Variants in UBE2F observed in about 807,000 individuals in gnomAD.
UBE2F encodes NEDD8-conjugating enzyme UBE2F.
Under a neutral mutation model 29.6 loss-of-function variants are expected in UBE2F, and 5 were observed. The observed-to-expected ratio is 0.17, with a 90% confidence interval of 0.09 to 0.36. The LOEUF (loss-of-function observed/expected upper bound fraction) is 0.36. Ranked by LOEUF, UBE2F falls within the 10% of genes least tolerant of loss-of-function variation. The pLI is 1.00. For missense variants in UBE2F, 141 were observed against 228.5 expected, an observed-to-expected ratio of 0.62 and a Z score of 2.47; for synonymous variants, 66 against 81.8, an observed-to-expected ratio of 0.81 and a Z score of 1.04.
chr2:237,994,269 C>T (rs961010420), intron 3 of UBE2F, among the ~76,000 whole-genome samples: 2 of 152,098 alleles, frequency 1.3e-5, no homozygotes, highest in Non-Finnish European at 2.9e-5. Flanking sequence ...AGCCACCATG[C>T]CTGGCCAGCA....
rs1296417319 is a variant in UBE2F at position 238,040,448 on chromosome 2, C to G, written c.508-840C>G. Among the ~76,000 whole-genome samples the G allele has an allele frequency of 1.3e-5, 2 of 152,188 alleles. No individual in the cohort carries two copies. Among genetic ancestry groups the G allele is most frequent in the African/African-American group, 4.8e-5 (2 of 41,446 alleles). ...CCCACTAAGAACTATGGTAACTGTGCTGTGTTCCCTGGGCAGTGGGGGCTG... is the reference window on the plus strand; with the variant it reads ...CCCACTAAGAACTATGGTAACTGTGGTGTGTTCCCTGGGCAGTGGGGGCTG... On this transcript the variant is annotated intron_variant, in intron 9 of 9. Coordinates refer to ENST00000272930, the MANE Select transcript of UBE2F (RefSeq NM_080678.3). This position sits in a 1 kb window ranked among gnomAD's most constrained non-coding sequence, Gnocchi z 4.4.
At chr2:237,974,847 C>T (rs1185355823) in intron 2 of UBE2F, among the ~76,000 whole-genome samples, 1 of 151,116 alleles carries the variant, frequency 6.6e-6, no homozygotes, top group Non-Finnish European at 1.5e-5. Context: ...CGAGGTTTCA[C>T]CATGTTAGCC....
chr2:238,017,812 G>T (rs2064195097), intron 5 of UBE2F, among the ~76,000 whole-genome samples: 1 of 152,176 alleles, frequency 6.6e-6, no homozygotes. Context: ...ATGAGGATGT[G>T]GGCATTGGGG....
Position 238,041,586 on chromosome 2 carries a change from T to G in UBE2F, c.*248T>G. 1 of 469,582 alleles carries G rather than the reference T, an allele frequency of 2.1e-6. No individual in the cohort carries two copies. 29.1% of individuals were successfully genotyped at this position (469,582 alleles called of 1,614,324 possible). On this transcript the variant is annotated 3_prime_UTR_variant, in exon 10 of 10. Transcript: ENST00000272930. ...GAGTTGTCTGCTTACCTTAACATGT[T>G]TACTTTTTTGAACTTGTACTGTATA...
chr2:238,039,393 G>A (rs2064791954), intron 9 of UBE2F, among the ~76,000 whole-genome samples: 1 of 152,250 alleles, frequency 6.6e-6, no homozygotes, highest in African/African-American at 2.4e-5. Context: ...GGAATGTGCT[G>A]TGGAGCTCAG....
At chr2:238,031,499 G>A (rs185495533) in intron 7 of UBE2F, among the ~76,000 whole-genome samples, 2 of 152,170 alleles carry the variant, frequency 1.3e-5, no homozygotes, top group Non-Finnish European at 2.9e-5. Context: ...GGGATGGGTG[G>A]GTGGATGGAT....
intron 6 of UBE2F, among the ~76,000 whole-genome samples, chr2:238,029,967 G>C (rs2064535082): frequency 6.8e-6 from 1 of 147,240 alleles, no homozygotes; most frequent in Admixed American, 6.8e-5. Context: ...TTTTTTTTGA[G>C]ACAGGGCCTC....
chr2:237,987,928 G>C (rs757614213), intron 2 of UBE2F, 35 bp from the exon 3 acceptor site: 18 of 1,242,168 alleles, frequency 1.4e-5, no homozygotes. Context: ...TGGAGTAATT[G>C]ACTAATATTA....
At chr2:237,998,115 A>C (rs765066755) in intron 4 of UBE2F, among the ~76,000 whole-genome samples, 1 of 152,188 alleles carries the variant, frequency 6.6e-6, no homozygotes, top group African/African-American at 2.4e-5. Flanking sequence ...AACAATGACA[A>C]TTTTTTAAAT....
At chr2:237,999,820 CTTTTTTT>C (rs3054481) in intron 4 of UBE2F, among the ~76,000 whole-genome samples, 91,608 of 119,882 alleles carry the variant, frequency 0.76, 33,776 homozygotes, top group East Asian at 0.92. Context: ...TGATGTTGTT[CTTTTTTT>C]TTTTTTTTTT....
In UBE2F at chr2:238,019,891, C is replaced by A. The variant is rs539406888; in HGVS notation, c.282+3258C>A. The stretch of plus-strand genomic sequence containing the variant: ...GCCGGGTTGGTCTCGAACTCCTGAC[C>A]TCAGGTGATCCGCTGCCTTGGCCTC... On this transcript the variant is annotated intron_variant, in intron 5 of 9. Transcript: ENST00000272930. Among the ~76,000 whole-genome samples, 10 of 152,092 alleles carry A rather than the reference C, an allele frequency of 6.6e-5. No homozygotes were observed. In the East Asian group the frequency reaches 1.7e-3, roughly 27 times the overall value.
At chr2:238,019,654 C>CTTTTT (rs375103007) in intron 5 of UBE2F, among the ~76,000 whole-genome samples, 925 of 78,000 alleles carry the variant, frequency 0.012, 83 homozygotes, top group Non-Finnish European at 0.016. Flanking sequence ...TGTGCTCAGC[C>CTTTTT]TTTTTTTTTT....
intron 4 of UBE2F, among the ~76,000 whole-genome samples, chr2:238,001,859 A>G (rs2063801029): frequency 6.6e-6 from 1 of 152,146 alleles, no homozygotes; most frequent in Non-Finnish European, 1.5e-5. Flanking sequence ...AAAAGAATGT[A>G]TCAGTCATTA....
At position 237,995,871 on chromosome 2, in the gene UBE2F, G is replaced by C. The variant is rs116826196; in HGVS notation, c.214+1062G>C. On this transcript the variant is annotated intron_variant, in intron 4 of 9. Transcript: ENST00000272930. The stretch of plus-strand genomic sequence containing the variant: ...TACTGATTCTTCTAAGATAAGGAGA[G>C]TACTTGGGTATAGGAGTTAATACTA... Among the ~76,000 whole-genome samples the C allele has an allele frequency of 1.8e-3, 281 of 152,328 alleles. 2 individuals are homozygous for C. Among genetic ancestry groups the C allele is most frequent in the African/African-American group, 6.4e-3 (265 of 41,568 alleles).
chr2:237,972,541 A>ATTATTTTTTTTT (rs1559197721), intron 1 of UBE2F, among the ~76,000 whole-genome samples: 2 of 124,254 alleles, frequency 1.6e-5, no homozygotes, highest in African/African-American at 3.0e-5. Flanking sequence ...TTAATTTTAA[A>ATTATTTTTTTTT]TTTTTTTTTT....
At chr2:238,011,393 C>A (rs1338870255) in intron 4 of UBE2F, among the ~76,000 whole-genome samples, 1 of 152,208 alleles carries the variant, frequency 6.6e-6, no homozygotes, top group Non-Finnish European at 1.5e-5. Flanking sequence ...TCTGACCTCC[C>A]TGCTTAAAAC....
intron 2 of UBE2F, among the ~76,000 whole-genome samples, chr2:237,983,007 T>C (rs1008240844): frequency 1.3e-5 from 2 of 152,174 alleles, no homozygotes; most frequent in African/African-American, 4.8e-5. Context: ...GTATATATTT[T>C]ATGTTTTTGT....
chr2:238,015,878 A>G (rs1378680140), intron 4 of UBE2F, among the ~76,000 whole-genome samples: 1 of 151,678 alleles, frequency 6.6e-6, no homozygotes, highest in African/African-American at 2.4e-5. Flanking sequence ...ACCTGAGGAG[A>G]GGGACTGCCC....
intron 3 of UBE2F, among the ~76,000 whole-genome samples, chr2:237,994,150 G>T (rs1474239706): frequency 3.5e-4 from 47 of 133,228 alleles, no homozygotes; most frequent in African/African-American, 1.2e-3. Flanking sequence ...CACTCTTGTT[G>T]CCCAAGCTGG....
Sources: gnomAD v4.1 joint callset for allele counts (sites outside exome capture counted in the v4.1 genomes callset) on GRCh38, gnomAD v4.1.1 for gene constraint, Gnocchi (gnomAD v3.1) non-coding constraint, MANE v1.5 for transcripts, NCBI Gene and HGNC (gene_info 2026-07-23, HGNC 2026-07-21) for gene names.